Variants in RBPJ observed in about 807,000 individuals in gnomAD.
The protein encoded by RBPJ is recombining binding protein suppressor of hairless.
Under a neutral mutation model 67.8 loss-of-function variants are expected in RBPJ, and 9 were observed. The observed-to-expected ratio is 0.13, with a 90% confidence interval of 0.08 to 0.23. The LOEUF (loss-of-function observed/expected upper bound fraction) is 0.23, where lower values mean the gene tolerates loss of function less well. Among genes scored for constraint, RBPJ ranks in the 10% least tolerant of loss-of-function variants. RBPJ has a pLI of 1.00. For synonymous variants in RBPJ, 198 were observed against 203.3 expected (o/e 0.97, Z 0.22); for missense variants, 305 against 595.6 (o/e 0.51, Z 5.08).
chr4:26,420,649 T>C lies in RBPJ; in HGVS notation c.420T>C (p.Ile140=). Residue 140 remains isoleucine, a synonymous_variant, in exon 5 of 11, where the codon ATT becomes ATC. Transcript: ENST00000355476. ...VKMFYGNSDD[I]GVFLSKRIKV... The stretch of plus-strand genomic sequence containing the variant: ...TGTTCTATGGCAACAGTGATGACAT[T>C]GGTGTGTTCCTCAGCAAGCGGATAA... The C allele has an allele frequency of 6.2e-7, 1 of 1,614,022 alleles. No homozygotes were observed. The highest frequency in any genetic ancestry group is 8.5e-7 in the Non-Finnish European group (1 of 1,179,902).
In RBPJ at chr4:26,406,218, G is replaced by A; in HGVS notation, c.103G>A (p.Val35Ile). 1 of 1,612,826 alleles carries A rather than the reference G, an allele frequency of 6.2e-7. No individual in the cohort carries two copies. Among genetic ancestry groups the A allele is most frequent in the Admixed American group, 1.7e-5 (1 of 60,000 alleles). ...NYLKERGDQT[V>I]LILHAKVAQK... is the part of the protein sequence containing the mutation. The stretch of plus-strand genomic sequence containing the variant: ...TTTAAAAGAGCGAGGGGATCAAACA[G>A]TACTTATTCTTCATGCAAAAGTTGC... Residue 35 changes from valine (V) to isoleucine (I), a missense_variant, in exon 3 of 11, where the codon GTA becomes ATA. This residue lies in a region of RBPJ where 42 missense variants were observed against 43.6 expected (regional missense o/e 0.96). Transcript: ENST00000355476.
chr4:26,144,958 T>C, the RBPJ span, among the ~76,000 whole-genome samples: 9 of 152,234 alleles, frequency 5.9e-5, no homozygotes, highest in African/African-American at 2.2e-4. Flanking sequence ...TCAACCATAC[T>C]GGGTTTTCAG....
intron 2 of RBPJ, among the ~76,000 whole-genome samples, chr4:26,393,018 T>A (rs1229787166): frequency 1.3e-5 from 2 of 152,106 alleles, no homozygotes; most frequent in Non-Finnish European, 2.9e-5. Flanking sequence ...CAGCTAATTT[T>A]TAATTTTTAG....
chr4:26,280,144 C>T (rs955092887), intron 1 of RBPJ, among the ~76,000 whole-genome samples: 2 of 151,110 alleles, frequency 1.3e-5, no homozygotes, highest in East Asian at 4.0e-4. Flanking sequence ...CCTGTAATCC[C>T]TGCACTTTGG....
intron 1 of RBPJ, among the ~76,000 whole-genome samples, chr4:26,282,924 CTTTTTTTTT>C (rs67501530): frequency 1.6e-5 from 1 of 61,646 alleles, no homozygotes; most frequent in African/African-American, 7.2e-5. Context: ...AGTGTAGATT[CTTTTTTTTT>C]TTTTTTTTTT....
intron 1 of RBPJ, among the ~76,000 whole-genome samples, chr4:26,353,526 C>T (rs1727020489): frequency 6.6e-6 from 1 of 151,770 alleles, no homozygotes; most frequent in African/African-American, 2.4e-5. Flanking sequence ...TGAGATAATA[C>T]ATTTAAAATA....
At chr4:26,284,059 A>G (rs371542768) in intron 1 of RBPJ, among the ~76,000 whole-genome samples, 7 of 152,322 alleles carry the variant, frequency 4.6e-5, no homozygotes, top group African/African-American at 1.4e-4. Flanking sequence ...AATATCCAAA[A>G]TACACGATTA....
At chr4:26,403,256 T>G (rs1285313382) in intron 2 of RBPJ, among the ~76,000 whole-genome samples, 1 of 151,332 alleles carries the variant, frequency 6.6e-6, no homozygotes, top group Non-Finnish European at 1.5e-5. Context: ...TCGTTTTGAG[T>G]TTTTCTCTGG....
chr4:26,428,279 A>T (rs2109833482), intron 7 of RBPJ, among the ~76,000 whole-genome samples: 1 of 152,334 alleles, frequency 6.6e-6, no homozygotes, highest in East Asian at 1.9e-4. Flanking sequence ...TATCATTAGA[A>T]CTTGCTGTTC....
chr4:26,201,959 A>G (rs921185062), intron 1 of RBPJ, among the ~76,000 whole-genome samples: 2 of 152,226 alleles, frequency 1.3e-5, no homozygotes, highest in African/African-American at 4.8e-5. Flanking sequence ...TTCAGTCTTC[A>G]TCTTACTCCA....
rs1736498739 is a variant in RBPJ at position 26,434,474 on chromosome 4, C to T, written c.*3467C>T. ...AGCTGTGTTTCTGATAAGTACTGAA[C>T]AAATGTGTGTAATTTTCTGTGCCAG... On this transcript the variant is annotated 3_prime_UTR_variant, in exon 11 of 11. Coordinates refer to ENST00000355476, the MANE Select transcript of RBPJ (RefSeq NM_015874.6). 1 of 152,170 alleles carries T rather than the reference C, an allele frequency of 6.6e-6. No homozygotes were observed. Among genetic ancestry groups the T allele is most frequent in the Non-Finnish European group, 1.5e-5 (1 of 68,018 alleles). The allele number at this position is 152,170 out of a possible 1,614,324, so 9.4% of individuals were successfully genotyped here.
At position 26,420,685 on chromosome 4, in the gene RBPJ, C is replaced by G; in HGVS notation, c.456C>G (p.Ser152=). The G allele has an allele frequency of 6.2e-7, 1 of 1,613,018 alleles. No homozygotes were observed. Among genetic ancestry groups the G allele is most frequent in the East Asian group, 2.2e-5 (1 of 44,838 alleles). Residue 152 remains serine, a synonymous_variant, in exon 5 of 11, where the codon TCC becomes TCG. Coordinates refer to ENST00000355476, the MANE Select transcript of RBPJ (RefSeq NM_015874.6). ...VFLSKRIKVI[S]KPSKKKQSLK... ...TCAGCAAGCGGATAAAAGTCATCTCCAAACCTTCCAAAAAGAAGCAGTCAT... is the reference window on the plus strand; with the variant it reads ...TCAGCAAGCGGATAAAAGTCATCTCGAAACCTTCCAAAAAGAAGCAGTCAT...
At position 26,433,894 on chromosome 4, in the gene RBPJ, T is replaced by C. The variant is rs1481729731; in HGVS notation, c.*2887T>C. The C allele has an allele frequency of 1.3e-5, 2 of 152,178 alleles. No homozygotes were observed. The highest frequency in any genetic ancestry group is 2.4e-5 in the African/African-American group (1 of 41,454). The allele number at this position is 152,178 out of a possible 1,614,324, so 9.4% of individuals were successfully genotyped here. A position where few individuals can be genotyped will look rare whatever the true frequency, so the allele number is the denominator to read the frequency against. On this transcript the variant is annotated 3_prime_UTR_variant, in exon 11 of 11. Coordinates refer to ENST00000355476, the MANE Select transcript of RBPJ (RefSeq NM_015874.6). ...ATTTACCCTCAGAAAGACTCTCTTATTAGAATGGTGAGTGCTTCAGTTATA... is the reference window on the plus strand; with the variant it reads ...ATTTACCCTCAGAAAGACTCTCTTACTAGAATGGTGAGTGCTTCAGTTATA...
intron 1 of RBPJ, among the ~76,000 whole-genome samples, chr4:26,186,173 T>C (rs1227024354): frequency 6.7e-6 from 1 of 148,986 alleles, no homozygotes; most frequent in Non-Finnish European, 1.5e-5. Context: ...GTAACTTCTT[T>C]CTGCTCCCCC....
At position 26,215,104 on chromosome 4, in the gene RBPJ, A is replaced by G. The variant is rs933129254; in HGVS notation, c.-167+51490A>G. ...AGAAAAAAGACAGAAAGAGAAAGAA[A>G]GAAAAAGAAAGAAAGGAAAGAGAAA... On this transcript the variant is annotated intron_variant, in intron 1 of 4. Coordinates refer to the RBPJ transcript ENST00000512351. Among the ~76,000 whole-genome samples, 11 of 12,098 alleles carry G rather than the reference A, an allele frequency of 9.1e-4. 2 individuals carry two copies. The African/African-American group carries it at 9.4e-3, about 10-fold the overall frequency. 7.9% of individuals were successfully genotyped at this position (12,098 alleles called of 152,430 possible). A position where few individuals can be genotyped will look rare whatever the true frequency, so the allele number is the denominator to read the frequency against.
upstream of RBPJ, among the ~76,000 whole-genome samples, chr4:26,316,827 C>CCCTTT (rs1722664366): frequency 5.6e-5 from 4 of 71,384 alleles, no homozygotes; most frequent in Admixed American, 1.9e-4. Context: ...ACCCAGACGA[C>CCCTTT]TTTTTTTTTT....
At chr4:26,259,172 C>A (rs894401980) in intron 1 of RBPJ, among the ~76,000 whole-genome samples, 7 of 152,176 alleles carry the variant, frequency 4.6e-5, no homozygotes, top group African/African-American at 1.7e-4. Context: ...AAGGTGGATG[C>A]CTAGTGATTT....
chr4:26,379,448 G>T (rs765247201), intron 1 of RBPJ, among the ~76,000 whole-genome samples: 7 of 152,138 alleles, frequency 4.6e-5, no homozygotes, highest in Admixed American at 1.3e-4. Context: ...CTGCATGGCT[G>T]GGGAGGCCTC....
chr4:26,228,155 G>A (rs181328012), intron 1 of RBPJ, among the ~76,000 whole-genome samples: 4 of 152,238 alleles, frequency 2.6e-5, no homozygotes, highest in Non-Finnish European at 5.9e-5. Context: ...TCATGAAAGC[G>A]AATCTGCCAC....
Sources: allele counts gnomAD v4.1 joint callset (sites outside exome capture counted in the v4.1 genomes callset), GRCh38; gene constraint gnomAD v4.1.1; regional missense constraint gnomAD v4.1.1; transcripts MANE v1.5; gene names NCBI Gene and HGNC (gene_info 2026-07-23, HGNC 2026-07-21).